Variants in LYPD6B observed in about 807,000 individuals in gnomAD.
LYPD6B encodes LY6/PLAUR domain containing 6B.
LYPD6B carries 17 observed loss-of-function variants against 22.8 expected under a neutral mutation model. The ratio of observed to expected loss-of-function variants is 0.75; its 90% CI spans 0.51 to 1.12. LYPD6B has a LOEUF of 1.12. Among genes scored for constraint, LYPD6B ranks in the 50% most tolerant of loss-of-function variants. The probability of loss-of-function intolerance (pLI) is 0.00; values close to 1 mark genes in which losing one functional copy is unlikely to be tolerated. For synonymous variants in LYPD6B, 106 were observed against 91.6 expected (o/e 1.16, Z -0.90); for missense variants, 221 against 258.3 (o/e 0.86, Z 0.99).
chr2:149,099,825 A>T (rs1464901573), intron 1 of LYPD6B, among the ~76,000 whole-genome samples: 1 of 152,202 alleles, frequency 6.6e-6, no homozygotes, highest in East Asian at 1.9e-4. Flanking sequence ...GATATTGACT[A>T]TGATGAGAGT....
At chr2:149,197,385 G>C (rs969806116) in intron 3 of LYPD6B, among the ~76,000 whole-genome samples, 4 of 152,160 alleles carry the variant, frequency 2.6e-5, no homozygotes, top group Non-Finnish European at 4.4e-5. Context: ...GGTGGCACAC[G>C]CCTATAGTCC....
chr2:149,107,631 G>T (rs1574978937), intron 1 of LYPD6B, among the ~76,000 whole-genome samples: 2 of 152,144 alleles, frequency 1.3e-5, no homozygotes, highest in East Asian at 3.8e-4. Flanking sequence ...TTTGATGCCT[G>T]GTTTATGTAG....
At chr2:149,106,727 A>G (rs1004023545) in intron 1 of LYPD6B, among the ~76,000 whole-genome samples, 32 of 152,226 alleles carry the variant, frequency 2.1e-4, no homozygotes, top group African/African-American at 6.7e-4. Flanking sequence ...TCAAAGAACC[A>G]TCTTTTGGTT....
At chr2:149,063,858 A>C (rs1370991182) in intron 1 of LYPD6B, among the ~76,000 whole-genome samples, 1 of 152,220 alleles carries the variant, frequency 6.6e-6, no homozygotes, top group Admixed American at 6.5e-5. Context: ...GGAAAAAAAC[A>C]AACAAGTTTG....
intron 1 of LYPD6B, among the ~76,000 whole-genome samples, chr2:149,115,209 G>A (rs1686944670): frequency 6.6e-6 from 1 of 152,172 alleles, no homozygotes; most frequent in Non-Finnish European, 1.5e-5. Flanking sequence ...AAAGTGCTGG[G>A]ATTACAGGTG....
intron 2 of LYPD6B, among the ~76,000 whole-genome samples, chr2:149,142,825 AT>A (rs1265226022): frequency 2.6e-5 from 4 of 152,068 alleles, no homozygotes; most frequent in East Asian, 3.9e-4. Context: ...TGAACTAAGT[AT>A]TTTTTTAATC....
chr2:149,061,259 C>A (rs1684065176), intron 1 of LYPD6B, among the ~76,000 whole-genome samples: 1 of 151,298 alleles, frequency 6.6e-6, no homozygotes, highest in Middle Eastern at 3.2e-3. Context: ...TGCAGTGGAG[C>A]CATCATAGCT....
chr2:149,125,220 T>C (rs534973313), intron 1 of LYPD6B, among the ~76,000 whole-genome samples: 1 of 152,172 alleles, frequency 6.6e-6, no homozygotes, highest in Non-Finnish European at 1.5e-5. Flanking sequence ...ATCACTAATC[T>C]CCAACCCTGT....
chr2:149,103,470 A>G (rs1686309836), intron 1 of LYPD6B, among the ~76,000 whole-genome samples: 1 of 152,220 alleles, frequency 6.6e-6, no homozygotes, highest in Admixed American at 6.5e-5. Context: ...CTGATTATTT[A>G]TAAACAGCTT....
At chr2:149,048,887 C>G (rs148637153) in intron 1 of LYPD6B, among the ~76,000 whole-genome samples, 19 of 152,228 alleles carry the variant, frequency 1.2e-4, no homozygotes, top group African/African-American at 4.3e-4. Flanking sequence ...ATCAGTGGTT[C>G]TCAGCCCTTA....
At chr2:149,112,036 C>G (rs937531703) in intron 1 of LYPD6B, among the ~76,000 whole-genome samples, 1 of 152,162 alleles carries the variant, frequency 6.6e-6, no homozygotes, top group Non-Finnish European at 1.5e-5. Context: ...TTGACAAGGG[C>G]AGTCCGGTTG....
intron 1 of LYPD6B, among the ~76,000 whole-genome samples, chr2:149,058,481 C>T (rs561783358): frequency 6.6e-6 from 1 of 152,338 alleles, no homozygotes; most frequent in South Asian, 2.1e-4. Context: ...CCATCTTTCT[C>T]AGGTAACACA....
chr2:149,128,833 C>A (rs909297319), intron 1 of LYPD6B, among the ~76,000 whole-genome samples: 1 of 152,170 alleles, frequency 6.6e-6, no homozygotes, highest in African/African-American at 2.4e-5. Flanking sequence ...GAACATATCA[C>A]CTACTTTTTC....
At chr2:149,199,176 AC>A (rs2106110154) in intron 3 of LYPD6B, among the ~76,000 whole-genome samples, 1 of 152,280 alleles carries the variant, frequency 6.6e-6, no homozygotes, top group South Asian at 2.1e-4. Flanking sequence ...AATGTATTTT[AC>A]TTATGTAATT....
At chr2:149,043,260 G>A (rs926553770) in intron 1 of LYPD6B, among the ~76,000 whole-genome samples, 1 of 152,064 alleles carries the variant, frequency 6.6e-6, no homozygotes, top group East Asian at 1.9e-4. Flanking sequence ...TCTTTACTAA[G>A]GACTTGTATG....
In LYPD6B at chr2:149,214,907, G is replaced by A; in HGVS notation, c.*197G>A. 1 of 604,042 alleles carries A rather than the reference G, an allele frequency of 1.7e-6. No individual in the cohort carries two copies. The highest frequency in any genetic ancestry group is 2.9e-6 in the Non-Finnish European group (1 of 344,540). The allele number at this position is 604,042 out of a possible 1,614,324, so 37.4% of individuals were successfully genotyped here. On this transcript the variant is annotated 3_prime_UTR_variant, in exon 7 of 7. Coordinates refer to ENST00000409642, the MANE Select transcript of LYPD6B (RefSeq NM_177964.5). ...CAGGACTGAGGATGGGAATTTGGCA[G>A]GGCCTGAGAAGATGGTCTGACTTCC...
At chr2:149,110,522 G>A (rs1686706037) in intron 1 of LYPD6B, among the ~76,000 whole-genome samples, 1 of 152,160 alleles carries the variant, frequency 6.6e-6, no homozygotes. Context: ...CAGGATCATA[G>A]CAGCATTTAG....
chr2:149,194,313 A>G (rs899592526), intron 3 of LYPD6B, among the ~76,000 whole-genome samples: 1 of 152,182 alleles, frequency 6.6e-6, no homozygotes, highest in African/African-American at 2.4e-5. Flanking sequence ...CTGCTAAAAC[A>G]AGCCATAATG....
intron 1 of LYPD6B, among the ~76,000 whole-genome samples, chr2:149,067,184 C>G (rs1161767128): frequency 6.6e-6 from 1 of 152,130 alleles, no homozygotes; most frequent in Non-Finnish European, 1.5e-5. Context: ...ACCTGTATTT[C>G]AACACACTCT....
Sources: allele counts gnomAD v4.1 joint callset (sites outside exome capture counted in the v4.1 genomes callset), GRCh38; gene constraint gnomAD v4.1.1; transcripts MANE v1.5; gene names NCBI Gene and HGNC (gene_info 2026-07-23, HGNC 2026-07-21).